The following CLDN10 variants were observed in gnomAD, a reference collection of about 807,000 sequenced individuals.
CLDN10 encodes claudin-10.
CLDN10 carries 15 observed loss-of-function variants against 22.9 expected under a neutral mutation model. That is an observed-to-expected ratio of 0.65 (90% CI 0.44 to 1.01). The LOEUF (loss-of-function observed/expected upper bound fraction) is 1.01, where lower values mean the gene tolerates loss of function less well. CLDN10 is among the 50% of genes least tolerant of loss of function. CLDN10 has a pLI of 0.00. For missense variants in CLDN10, 247 were observed against 287.8 expected, an observed-to-expected ratio of 0.86 and a Z score of 1.03; for synonymous variants, 114 against 111.4, an observed-to-expected ratio of 1.02 and a Z score of -0.15.
intron 1 of CLDN10, among the ~76,000 whole-genome samples, chr13:95,440,512 C>CA (rs1045236338): frequency 6.6e-5 from 10 of 152,020 alleles, no homozygotes; most frequent in African/African-American, 1.9e-4. Flanking sequence ...CTTGTCCCTA[C>CA]AAAAAAATTT....
chr13:95,434,560 CAT>C (rs1235605561), intron 1 of CLDN10, among the ~76,000 whole-genome samples: 7 of 149,222 alleles, frequency 4.7e-5, no homozygotes, highest in Admixed American at 1.3e-4. Flanking sequence ...TATATGCACA[CAT>C]GTGTGTATAT....
At chr13:95,473,944 G>A (rs989380423) in intron 1 of CLDN10, among the ~76,000 whole-genome samples, 5 of 152,154 alleles carry the variant, frequency 3.3e-5, no homozygotes, top group South Asian at 4.1e-4. Flanking sequence ...ATAGAACAGC[G>A]GTCCCCAACC....
intron 1 of CLDN10, among the ~76,000 whole-genome samples, chr13:95,487,627 G>C (rs778901465): frequency 1.3e-5 from 2 of 152,094 alleles, no homozygotes; most frequent in Non-Finnish European, 2.9e-5. Flanking sequence ...TGAACTCATG[G>C]ACAATGTTGT....
intron 1 of CLDN10, among the ~76,000 whole-genome samples, chr13:95,522,225 G>A (rs2043230811): frequency 6.6e-6 from 1 of 151,838 alleles, no homozygotes. Flanking sequence ...CTTGGGTGAT[G>A]AATTCTCATT....
rs2042682447 is a variant in CLDN10, at chr13:95,475,948, C to T, written c.214+41901C>T. Among the ~76,000 whole-genome samples the T allele has an allele frequency of 2.0e-5, 3 of 152,070 alleles. No homozygotes were observed. The South Asian group carries it at 6.5e-4, about 33-fold the overall frequency. On this transcript the variant is annotated intron_variant, in intron 1 of 4. Transcript: ENST00000376873. The stretch of plus-strand genomic sequence containing the variant: ...GATGTGACTTATGATTGATGCTGCC[C>T]CTGAGCGTGCTGGGTGGTCTTCTAT...
chr13:95,558,897 C>T (rs1459243802), intron 1 of CLDN10, among the ~76,000 whole-genome samples: 2 of 152,054 alleles, frequency 1.3e-5, no homozygotes. Context: ...TTCCCTCCAG[C>T]CTGGGTGGCA....
At chr13:95,545,684 C>A (rs902335579) in intron 1 of CLDN10, among the ~76,000 whole-genome samples, 4 of 152,020 alleles carry the variant, frequency 2.6e-5, no homozygotes, top group Non-Finnish European at 5.9e-5. Flanking sequence ...TTTAAAATAA[C>A]AATATTTTTT....
chr13:95,438,982 A>C (rs1156676710), intron 1 of CLDN10, among the ~76,000 whole-genome samples: 1 of 149,948 alleles, frequency 6.7e-6, no homozygotes, highest in African/African-American at 2.5e-5. Context: ...TCGCAAAAAA[A>C]AAAAAAAAAA....
intron 1 of CLDN10, among the ~76,000 whole-genome samples, chr13:95,457,993 G>C (rs2042498637): frequency 6.6e-6 from 1 of 152,174 alleles, no homozygotes; most frequent in South Asian, 2.1e-4. Context: ...GGACTTTGCT[G>C]ATCTCAACTG....
chr13:95,556,862 T>A (rs1347616241), intron 1 of CLDN10, among the ~76,000 whole-genome samples: 3 of 152,258 alleles, frequency 2.0e-5, no homozygotes, highest in African/African-American at 7.2e-5. Flanking sequence ...TTTTGCTGAT[T>A]TGCAATTGAA....
At chr13:95,552,495 C>A (rs2043576926), upstream of CLDN10, among the ~76,000 whole-genome samples, 5 of 152,026 alleles carry the variant, frequency 3.3e-5, no homozygotes. Flanking sequence ...CGCAGGCCGG[C>A]CTTCCTCCCG....
intron 3 of CLDN10, among the ~76,000 whole-genome samples, chr13:95,566,445 AT>A (rs1484704869): frequency 6.6e-6 from 1 of 152,130 alleles, no homozygotes; most frequent in Non-Finnish European, 1.5e-5. Context: ...GTCTGTTCAT[AT>A]CCTTTGCCCA....
intron 1 of CLDN10, among the ~76,000 whole-genome samples, chr13:95,481,213 G>A (rs1365624472): frequency 1.3e-5 from 2 of 152,170 alleles, no homozygotes; most frequent in Admixed American, 6.5e-5. Context: ...GCATGCCCTT[G>A]ACCTTGCAGA....
At chr13:95,564,904 G>A (rs531152037) in intron 3 of CLDN10, among the ~76,000 whole-genome samples, 8 of 152,168 alleles carry the variant, frequency 5.3e-5, no homozygotes, top group East Asian at 1.9e-4. Context: ...TTTTTCTTCC[G>A]AGCTACAATC....
At chr13:95,499,005 T>G (rs2042956069) in intron 1 of CLDN10, among the ~76,000 whole-genome samples, 1 of 152,244 alleles carries the variant, frequency 6.6e-6, no homozygotes, top group Non-Finnish European at 1.5e-5. Flanking sequence ...GGCTTTTCAC[T>G]TGGCATAATG....
chr13:95,544,861 C>T (rs1288107132), intron 1 of CLDN10, among the ~76,000 whole-genome samples: 1 of 151,928 alleles, frequency 6.6e-6, no homozygotes, highest in African/African-American at 2.4e-5. Flanking sequence ...ACTGCAACCT[C>T]CATCTCCCCG....
At chr13:95,549,649 A>C (rs929961861), upstream of CLDN10, among the ~76,000 whole-genome samples, 4 of 152,220 alleles carry the variant, frequency 2.6e-5, no homozygotes, top group Non-Finnish European at 5.9e-5. Flanking sequence ...TTGGTCAGGA[A>C]CTCATGGCCT....
chr13:95,544,986 C>A (rs962516353), intron 1 of CLDN10, among the ~76,000 whole-genome samples: 5 of 151,660 alleles, frequency 3.3e-5, no homozygotes, highest in African/African-American at 1.2e-4. Context: ...CCGTGTTGGC[C>A]AAGCTGGTCT....
intron 1 of CLDN10, among the ~76,000 whole-genome samples, chr13:95,525,583 C>T (rs2043272087): frequency 6.6e-6 from 1 of 152,158 alleles, no homozygotes; most frequent in African/African-American, 2.4e-5. Flanking sequence ...ACCTCCACCT[C>T]CTGGTTCAAG....
Sources: gnomAD v4.1 joint callset for allele counts (sites outside exome capture counted in the v4.1 genomes callset) on GRCh38, gnomAD v4.1.1 for gene constraint, MANE v1.5 for transcripts, NCBI Gene and HGNC (gene_info 2026-07-23, HGNC 2026-07-21) for gene names.